CNTN4: variants seen among roughly 807,000 people sequenced by gnomAD.
The protein encoded by CNTN4 is contactin 4, also known as contactin-4.
In CNTN4, 77 loss-of-function variants were observed where a neutral mutation model predicts 122.5. The observed-to-expected ratio is 0.63, with a 90% CI of 0.52 to 0.76. The LOEUF is 0.76. CNTN4 is among the 30% of genes least tolerant of loss of function. The probability of loss-of-function intolerance (pLI) is 0.00; values close to 1 mark genes in which losing one functional copy is unlikely to be tolerated. For missense variants in CNTN4, 1,256 were observed against 1,259.1 expected (o/e 1.00, Z 0.04); for synonymous variants, 512 against 447.0 (o/e 1.15, Z -1.83).
chr3:2,384,779 T>G (rs1038196607), intron 3 of CNTN4, among the ~76,000 whole-genome samples: 1 of 152,086 alleles, frequency 6.6e-6, no homozygotes, highest in Non-Finnish European at 1.5e-5. Context: ...TGTGTGTGTG[T>G]GTGTGTGTGT....
At chr3:2,498,044 A>G (rs1004065890) in intron 3 of CNTN4, among the ~76,000 whole-genome samples, 10 of 152,208 alleles carry the variant, frequency 6.6e-5, no homozygotes, top group African/African-American at 2.2e-4. Flanking sequence ...TAGTAAGTCA[A>G]TGGTAGTAAA....
intron 6 of CNTN4, among the ~76,000 whole-genome samples, chr3:2,789,381 C>T (rs1460282218): frequency 6.6e-6 from 1 of 152,192 alleles, no homozygotes; most frequent in Non-Finnish European, 1.5e-5. Context: ...AGGAAATTGC[C>T]ATGCCTGAGA....
chr3:2,261,193 A>C (rs78332961), intron 2 of CNTN4, among the ~76,000 whole-genome samples: 16,743 of 152,046 alleles, frequency 0.11, 1,126 homozygotes, highest in Middle Eastern at 0.16. Context: ...TACTATTCTT[A>C]TTTGTGGTAT....
At chr3:2,372,939 T>C (rs1308905412) in intron 3 of CNTN4, among the ~76,000 whole-genome samples, 1 of 152,098 alleles carries the variant, frequency 6.6e-6, no homozygotes, top group Non-Finnish European at 1.5e-5. Context: ...TCCCGTTACT[T>C]GGGAGGCTGA....
chr3:2,226,360 A>G (rs1427739923), intron 2 of CNTN4, among the ~76,000 whole-genome samples: 6 of 152,122 alleles, frequency 3.9e-5, no homozygotes. Flanking sequence ...AGGAATTGTG[A>G]GTTTGGAAAC....
intron 6 of CNTN4, among the ~76,000 whole-genome samples, chr3:2,778,191 GC>G (rs1395896342): frequency 1.7e-5 from 2 of 120,714 alleles, no homozygotes; most frequent in African/African-American, 6.1e-5. Flanking sequence ...TCCAGCCTGG[GC>G]GACAGAGCGA....
At chr3:2,169,179 T>C (rs1250167762) in intron 2 of CNTN4, among the ~76,000 whole-genome samples, 1 of 152,144 alleles carries the variant, frequency 6.6e-6, no homozygotes, top group Admixed American at 6.5e-5. Context: ...CTTGTAAATA[T>C]GATTGAATCG....
chr3:2,444,739 C>G (rs2048558449), intron 3 of CNTN4, among the ~76,000 whole-genome samples: 1 of 147,316 alleles, frequency 6.8e-6, no homozygotes, highest in East Asian at 1.9e-4. Flanking sequence ...TATTGGCTGG[C>G]TGGCTGGCTG....
intron 13 of CNTN4, among the ~76,000 whole-genome samples, chr3:2,979,413 A>C (rs1393851294): frequency 3.9e-5 from 6 of 152,192 alleles, no homozygotes; most frequent in African/African-American, 1.4e-4. Flanking sequence ...TCTTAGAAAA[A>C]TGGGGCTACT....
rs947418912 is a variant in CNTN4, at chr3:2,612,640, A to G, written c.55+41082A>G. On this transcript the variant is annotated intron_variant, in intron 4 of 24. Coordinates refer to ENST00000418658, the MANE Select transcript of CNTN4 (RefSeq NM_175607.3). ...TAGCTGGGTAGAATGAGGTAGATAAAATATATTTTGATTATTTGAATTAGG... is the reference window on the plus strand; with the variant it reads ...TAGCTGGGTAGAATGAGGTAGATAAGATATATTTTGATTATTTGAATTAGG... Among the ~76,000 whole-genome samples the G allele has an allele frequency of 2.0e-5, 3 of 152,088 alleles. No homozygotes were observed. The South Asian group carries it at 6.2e-4, about 32-fold the overall frequency.
chr3:2,146,547 C>T (rs962092055), intron 2 of CNTN4, among the ~76,000 whole-genome samples: 18 of 152,206 alleles, frequency 1.2e-4, no homozygotes, highest in African/African-American at 4.1e-4. Flanking sequence ...TTATTATAAT[C>T]AGTGCTCACT....
chr3:2,470,979 T>A (rs1225745604), intron 3 of CNTN4, among the ~76,000 whole-genome samples: 1 of 152,200 alleles, frequency 6.6e-6, no homozygotes, highest in Admixed American at 6.5e-5. Flanking sequence ...AGATGGCACA[T>A]GTTCATGAAA....
At chr3:3,006,755 T>C (rs1366607317) in intron 14 of CNTN4, among the ~76,000 whole-genome samples, 1 of 152,196 alleles carries the variant, frequency 6.6e-6, no homozygotes, top group African/African-American at 2.4e-5. Flanking sequence ...CCAGACGTTC[T>C]TAGCAGCTCT....
At chr3:2,929,552 C>T (rs1327516849) in intron 13 of CNTN4, among the ~76,000 whole-genome samples, 1 of 152,102 alleles carries the variant, frequency 6.6e-6, no homozygotes, top group Non-Finnish European at 1.5e-5. Flanking sequence ...TTGAGAAGAT[C>T]CAGGATGGAT....
At chr3:2,991,540 G>A (rs1033254255) in intron 14 of CNTN4, among the ~76,000 whole-genome samples, 1 of 152,024 alleles carries the variant, frequency 6.6e-6, no homozygotes, top group Non-Finnish European at 1.5e-5. Context: ...AAGAGATTTG[G>A]GGGATCATTT....
At chr3:2,656,352 TTA>T (rs2083590979) in intron 4 of CNTN4, among the ~76,000 whole-genome samples, 3 of 152,202 alleles carry the variant, frequency 2.0e-5, no homozygotes, top group Admixed American at 2.0e-4. Flanking sequence ...CAAAAAGCAG[TTA>T]TGTTTATAAT....
chr3:2,221,167 A>G (rs1394523616), intron 2 of CNTN4, among the ~76,000 whole-genome samples: 1 of 152,140 alleles, frequency 6.6e-6, no homozygotes, highest in Non-Finnish European at 1.5e-5. Flanking sequence ...TCCTTATGCT[A>G]AAAGAATGAA....
In CNTN4 at chr3:2,813,695, T is replaced by C. The variant is rs551416108; in HGVS notation, c.359-5791T>C. Among the ~76,000 whole-genome samples, 30 of 152,324 alleles carry C rather than the reference T, an allele frequency of 2.0e-4. No individual in the cohort carries two copies. In the South Asian group the frequency reaches 5.8e-3, roughly 29 times the overall value. On this transcript the variant is annotated intron_variant, in intron 6 of 24. Coordinates refer to ENST00000418658, the MANE Select transcript of CNTN4 (RefSeq NM_175607.3). ...AATTACTCTTTCTTATTTACTGTTA[T>C]TACTTCTCAAAAGAGATCTTGGACC...
intron 3 of CNTN4, among the ~76,000 whole-genome samples, chr3:2,397,479 C>A (rs1293570963): frequency 6.7e-6 from 1 of 150,172 alleles, no homozygotes. Flanking sequence ...GATTAGTCTC[C>A]TTTTAGGTGC....
Sources: allele counts gnomAD v4.1 joint callset (sites outside exome capture counted in the v4.1 genomes callset), GRCh38; gene constraint gnomAD v4.1.1; transcripts MANE v1.5; gene names NCBI Gene and HGNC (gene_info 2026-07-23, HGNC 2026-07-21).